PTCH1: variants seen among roughly 807,000 people sequenced by gnomAD.
The protein encoded by PTCH1 is patched 1.
PTCH1 carries 14 observed loss-of-function variants against 144.6 expected under a neutral mutation model. The observed-to-expected ratio is 0.10, with a 90% CI of 0.06 to 0.15. PTCH1 has a LOEUF of 0.15. Ranked by LOEUF, PTCH1 falls within the 10% of genes least tolerant of loss-of-function variation. PTCH1 has a pLI of 1.00. For synonymous variants in PTCH1, 833 were observed against 793.6 expected, an observed-to-expected ratio of 1.05 and a Z score of -0.83; for missense variants, 1,623 against 1,948.3, an observed-to-expected ratio of 0.83 and a Z score of 3.14.
chr9:95,453,150 TGAGACA>T, intron 20 of PTCH1: 1 of 363,424 alleles, frequency 2.8e-6, no homozygotes, highest in Non-Finnish European at 5.3e-6. Flanking sequence ...TTTTTTTTTT[TGAGACA>T]GAATCTCGCT....
intron 2 of PTCH1, among the ~76,000 whole-genome samples, chr9:95,497,630 G>C (rs571207575): frequency 2.8e-4 from 43 of 152,086 alleles, no homozygotes; most frequent in Non-Finnish European, 5.0e-4. Context: ...GGATGCTCAT[G>C]CAACTTAAAG....
intron 2 of PTCH1, among the ~76,000 whole-genome samples, chr9:95,505,506 A>G (rs1438629413): frequency 6.6e-6 from 1 of 152,190 alleles, no homozygotes; most frequent in Non-Finnish European, 1.5e-5. Context: ...TCGAAAAAAT[A>G]TATATCTATT....
rs538153607 is a variant in PTCH1, at chr9:95,477,477, C to G, written c.1503+70G>C. The G allele has an allele frequency of 4.5e-4, 715 of 1,602,576 alleles. 2 individuals carry two copies. The highest frequency in any genetic ancestry group is 4.5e-4 in the Non-Finnish European group (528 of 1,170,246). On this transcript the variant is annotated intron_variant, in intron 10 of 23. Transcript: ENST00000331920. The stretch of plus-strand genomic sequence containing the variant: ...AGAAGGACACACAGCACACAGGAGG[C>G]TGGCTGGGCCAAGCCTGGGGGCCGG...
chr9:95,481,844 T>C (rs911910729), intron 5 of PTCH1, 105 bp downstream of exon 5: 1 of 1,082,310 alleles, frequency 9.2e-7, no homozygotes, highest in African/African-American at 1.6e-5. Flanking sequence ...TCAATGTTTT[T>C]ATTTCTTGTT....
In PTCH1 at chr9:95,476,254, C is replaced by A; in HGVS notation, c.1603-95G>T. 6.7e-7 allele frequency: 1 copy of A among 1,497,918 alleles called. No homozygotes were observed. The highest frequency in any genetic ancestry group is 9.0e-7 in the Non-Finnish European group (1 of 1,107,292). 92.8% of individuals were successfully genotyped at this position (1,497,918 alleles called of 1,614,324 possible). On this transcript the variant is annotated intron_variant, in intron 11 of 23. Transcript: ENST00000331920. The surrounding 1 kb of genome is among the most constrained non-coding windows in gnomAD (Gnocchi z 4.6). ...GCAGATACGTGGCAGAATAACACAACTGTTATTACAGCTTATCATGCTGGC... is the reference window on the plus strand; with the variant it reads ...GCAGATACGTGGCAGAATAACACAAATGTTATTACAGCTTATCATGCTGGC...
chr9:95,479,897 T>A (rs1042444840), intron 7 of PTCH1, 72 bp downstream of exon 7: 17 of 1,606,946 alleles, frequency 1.1e-5, no homozygotes, highest in Admixed American at 5.0e-5. Flanking sequence ...CTTGCCGATG[T>A]CAGGAGGGAA....
upstream of PTCH1, among the ~76,000 whole-genome samples, chr9:95,511,064 C>T (rs1204564920): frequency 6.7e-6 from 1 of 150,002 alleles, no homozygotes; most frequent in Non-Finnish European, 1.5e-5. Flanking sequence ...CCAATGCCCG[C>T]GCCGCCTCCC....
At chr9:95,501,020 T>C (rs914056429) in intron 2 of PTCH1, among the ~76,000 whole-genome samples, 1 of 152,234 alleles carries the variant, frequency 6.6e-6, no homozygotes, top group Non-Finnish European at 1.5e-5. Flanking sequence ...GGTCTATAAA[T>C]ACAGGAATGG....
rs751977093 is a variant in PTCH1, at chr9:95,508,247, GCCC to G, written c.112_114del (p.Gly38del). The G allele has an allele frequency of 1.2e-6, 2 of 1,604,558 alleles. No homozygotes were observed. The highest frequency in any genetic ancestry group is 1.7e-6 in the Non-Finnish European group (2 of 1,177,542). On this transcript the variant is annotated inframe_deletion, in exon 1 of 24. Coordinates refer to ENST00000331920, the MANE Select transcript of PTCH1 (RefSeq NM_000264.5). ...CGGTCCGGCGCGGCAGCACGGCGCAGCCCCCCCGTCCGTCTGCGCCTCCCGCCT... is the reference window on the plus strand; with the variant it reads ...CGGTCCGGCGCGGCAGCACGGCGCAGCCCCGTCCGTCTGCGCCTCCCGCCT...
intron 12 of PTCH1, among the ~76,000 whole-genome samples, chr9:95,471,314 C>T (rs1840561527): frequency 6.6e-6 from 1 of 152,140 alleles, no homozygotes; most frequent in Non-Finnish European, 1.5e-5. Flanking sequence ...AGATGTCTTC[C>T]AATAATTAAT....
In PTCH1 at chr9:95,449,380, C is replaced by A. The variant is rs1838251386; in HGVS notation, c.3550-57G>T. The A allele has an allele frequency of 6.5e-7, 1 of 1,535,276 alleles. No individual in the cohort carries two copies. Among genetic ancestry groups the A allele is most frequent in the Non-Finnish European group, 8.7e-7 (1 of 1,144,980 alleles). ...CTTGTCCATTTACCTGCTGGCCACA[C>A]TCAAAGCTCAAAGCACGGTATTTTT... On this transcript the variant is annotated intron_variant, in intron 21 of 23. Coordinates refer to ENST00000331920, the MANE Select transcript of PTCH1 (RefSeq NM_000264.5). This position sits in a 1 kb window ranked among gnomAD's most constrained non-coding sequence, Gnocchi z 5.3.
Position 95,459,663 on chromosome 9 carries a change from G to C in PTCH1, c.2824C>G (p.Arg942Gly), listed in dbSNP as rs756465236. Residue 942 changes from arginine (R) to glycine (G), a missense_variant, in exon 17 of 24, where the codon CGG becomes GGG. By Grantham distance (125) the Arg-to-Gly change is moderately radical. Around this residue, in one of 7 missense-constraint regions of PTCH1, gnomAD observed 504 missense variants for 679.3 expected, o/e 0.74. Transcript: ENST00000331920. The part of the protein sequence containing the change: ...VAYAASQANI[R>G]PHRPEWVHDK... ...TGGACCCATTCTGGTCGGTGTGGCC[G>C]GATGTTGGCCTGGGAGGCAGCATAC... 1 of 1,614,168 alleles carries C rather than the reference G, an allele frequency of 6.2e-7. No homozygotes were observed. Among genetic ancestry groups the C allele is most frequent in the Middle Eastern group, 1.7e-4 (1 of 6,056 alleles).
intron 2 of PTCH1, 30 bp downstream of exon 2, chr9:95,506,377 G>C (rs1178131950): frequency 6.2e-7 from 1 of 1,605,564 alleles, no homozygotes; most frequent in South Asian, 1.1e-5. Flanking sequence ...ACCGGGCCGG[G>C]GGCGCGGGCG....
At chr9:95,460,317 A>G (rs1588546626) in intron 16 of PTCH1, among the ~76,000 whole-genome samples, 2 of 152,242 alleles carry the variant, frequency 1.3e-5, no homozygotes, top group Middle Eastern at 3.4e-3. Flanking sequence ...ACGAGTGCAC[A>G]CCCTCAAGCC....
Position 95,476,206 on chromosome 9 carries a change from C to T in PTCH1, c.1603-47G>A, listed in dbSNP as rs1274341500. On this transcript the variant is annotated intron_variant, in intron 11 of 23. Coordinates refer to ENST00000331920, the MANE Select transcript of PTCH1 (RefSeq NM_000264.5). The surrounding 1 kb of genome is among the most constrained non-coding windows in gnomAD (Gnocchi z 4.6). ...GCTGAGAGCTGCACTGGACATGGTC[C>T]CCTTGGAGCACAGACTGTGTGAGCA... 6.3e-7 allele frequency: 1 copy of T among 1,592,614 alleles called. No individual in the cohort carries two copies.
Position 95,449,828 on chromosome 9 carries a change from T to C in PTCH1, c.3549+13A>G, listed in dbSNP as rs748352944. The C allele has an allele frequency of 6.2e-7, 1 of 1,604,322 alleles. No homozygotes were observed. Among genetic ancestry groups the C allele is most frequent in the Admixed American group, 1.7e-5 (1 of 59,968 alleles). On this transcript the variant is annotated intron_variant, in intron 21 of 23. Transcript: ENST00000331920. The surrounding 1 kb of genome is among the most constrained non-coding windows in gnomAD (Gnocchi z 5.3). The stretch of plus-strand genomic sequence containing the variant: ...CCGGCCTACACGTGGGACATCCCCG[T>C]GTCACTACTGACCTCAGGATATGGT...
chr9:95,491,660 C>G (rs1842417791), intron 2 of PTCH1, among the ~76,000 whole-genome samples: 1 of 152,170 alleles, frequency 6.6e-6, no homozygotes, highest in African/African-American at 2.4e-5. Flanking sequence ...CTCATGGTTT[C>G]TGAGCACCAG....
At chr9:95,461,524 G>C (rs974501194) in intron 16 of PTCH1, among the ~76,000 whole-genome samples, 1 of 152,154 alleles carries the variant, frequency 6.6e-6, no homozygotes, top group African/African-American at 2.4e-5. Flanking sequence ...CCGAGTCCTA[G>C]AACTGAAAGA....
At chr9:95,492,643 A>C (rs1842495861) in intron 2 of PTCH1, among the ~76,000 whole-genome samples, 1 of 151,952 alleles carries the variant, frequency 6.6e-6, no homozygotes, top group African/African-American at 2.4e-5. Flanking sequence ...ACCCCCCCTT[A>C]AAAAAATCCA....
Sources: gnomAD v4.1 joint callset for allele counts (sites outside exome capture counted in the v4.1 genomes callset) on GRCh38, gnomAD v4.1.1 for gene constraint, gnomAD v4.1.1 regional missense constraint, Gnocchi (gnomAD v3.1) non-coding constraint, MANE v1.5 for transcripts, NCBI Gene and HGNC (gene_info 2026-07-23, HGNC 2026-07-21) for gene names.